Variants in EHMT1 observed in about 807,000 individuals in gnomAD.
EHMT1 encodes the protein histone-lysine N-methyltransferase EHMT1.
A neutral mutation model predicts 147.2 loss-of-function variants in EHMT1; 15 were observed. That is an observed-to-expected ratio of 0.10 (90% CI 0.07 to 0.16). The LOEUF is 0.16. EHMT1 is among the 10% of genes least tolerant of loss of function. The pLI is 1.00. For synonymous variants in EHMT1, 795 were observed against 709.6 expected (o/e 1.12, Z -1.91); for missense variants, 1,587 against 1,772.4 (o/e 0.90, Z 1.88).
In EHMT1 at chr9:137,819,534, GCCGA is replaced by G. The variant is rs1231259633; in HGVS notation, c.3540+1398_3540+1401del. On this transcript the variant is annotated intron_variant, in intron 25 of 26. Coordinates refer to ENST00000460843, the MANE Select transcript of EHMT1 (RefSeq NM_024757.5). ...CGCCGTGTACCGAGACCGTAGAGAG[GCCGA>G]CTGAGGGGCGCCGTGTACCGAGACC... 8.3e-4 allele frequency among the ~76,000 whole-genome samples: 14 copies of G among 16,930 alleles called. 3 individuals are homozygous for G. The African/African-American group carries it at 9.3e-3, about 11-fold the overall frequency. The allele number at this position is 16,930 out of a possible 152,430, so 11.1% of individuals were successfully genotyped here. A position where few individuals can be genotyped will look rare whatever the true frequency, so the allele number is the denominator to read the frequency against.
At chr9:137,682,918 C>T (rs1026143757) in intron 1 of EHMT1, among the ~76,000 whole-genome samples, 2 of 152,318 alleles carry the variant, frequency 1.3e-5, no homozygotes, top group Non-Finnish European at 2.9e-5. Flanking sequence ...CTGCCCTGCA[C>T]GTGCGAGTGA....
chr9:137,654,518 T>A (rs1938228169), intron 1 of EHMT1, among the ~76,000 whole-genome samples: 1 of 152,188 alleles, frequency 6.6e-6, no homozygotes, highest in South Asian at 2.1e-4. Flanking sequence ...ACTTTACCTT[T>A]GTTGTAAGTT....
chr9:137,708,572 G>A (rs533070347), intron 1 of EHMT1, among the ~76,000 whole-genome samples: 5 of 152,298 alleles, frequency 3.3e-5, no homozygotes, highest in South Asian at 2.1e-4. Flanking sequence ...TAATGATACC[G>A]CTCATGTAAT....
At chr9:137,794,109 C>T (rs1230545074) in intron 16 of EHMT1, among the ~76,000 whole-genome samples, 1 of 152,192 alleles carries the variant, frequency 6.6e-6, no homozygotes, top group East Asian at 1.9e-4. Flanking sequence ...TAATTCAACT[C>T]CTGCCTCATG....
intron 2 of EHMT1, among the ~76,000 whole-genome samples, chr9:137,713,309 AC>A (rs1219890429): frequency 7.9e-6 from 1 of 126,548 alleles, no homozygotes; most frequent in Non-Finnish European, 1.6e-5. Flanking sequence ...TTGCTCTGTC[AC>A]CCGGGCTGGA....
rs1160894563 is a variant in EHMT1, at chr9:137,787,975, C to T, written c.2383-2873C>T. The T allele has an allele frequency of 1.3e-6, 2 of 1,487,432 alleles. No homozygotes were observed. Among genetic ancestry groups the T allele is most frequent in the East Asian group, 2.3e-5 (1 of 44,006 alleles). 92.1% of individuals were successfully genotyped at this position (1,487,432 alleles called of 1,614,324 possible). A position where few individuals can be genotyped will look rare whatever the true frequency, so the allele number is the denominator to read the frequency against. ...CTGTGTCCCCCACTGGACAGCCCCCCAGGAACTGAGGTGCCCTGCAGTAAG... is the reference window on the plus strand; with the variant it reads ...CTGTGTCCCCCACTGGACAGCCCCCTAGGAACTGAGGTGCCCTGCAGTAAG... On this transcript the variant is annotated intron_variant, in intron 15 of 26. Coordinates refer to ENST00000460843, the MANE Select transcript of EHMT1 (RefSeq NM_024757.5). The surrounding 1 kb of genome is among the most constrained non-coding windows in gnomAD (Gnocchi z 4.2).
Position 137,831,459 on chromosome 9 carries a change from T to C in EHMT1, c.3541-2890T>C, listed in dbSNP as rs138387777. Among the ~76,000 whole-genome samples the C allele has an allele frequency of 5.0e-3, 769 of 152,356 alleles. 4 individuals are homozygous for C. Among genetic ancestry groups the C allele is most frequent in the African/African-American group, 0.017 (693 of 41,586 alleles). On this transcript the variant is annotated intron_variant, in intron 25 of 26. Coordinates refer to ENST00000460843, the MANE Select transcript of EHMT1 (RefSeq NM_024757.5). Reference sequence around the variant, plus strand: ...CAAATAATGTTGCGTACAAGTCAATTTGTTTGACTTTACCTGTCATTAGGC... The same window carrying C: ...CAAATAATGTTGCGTACAAGTCAATCTGTTTGACTTTACCTGTCATTAGGC...
rs1945338457 is a variant in EHMT1, at chr9:137,716,658, G to C, written c.118G>C (p.Glu40Gln). 6.3e-7 allele frequency: 1 copy of C among 1,591,952 alleles called. No individual in the cohort carries two copies. Residue 40 changes from glutamate to glutamine, a missense_variant, in exon 3 of 27, where the codon GAG (glutamate) becomes CAG (glutamine). This residue lies in a region of EHMT1 where 810 missense variants were observed against 673.0 expected (regional missense o/e 1.20). Coordinates refer to ENST00000460843, the MANE Select transcript of EHMT1 (RefSeq NM_024757.5). ...TPMAADEGSA[E>Q]KQAGEAHMAA... is the part of the protein sequence containing the mutation. Reference sequence around the variant, plus strand: ...TATGGCTGCCGATGAAGGCTCAGCAGAGAAACAGGCAGGAGAGGCCCACAT... The same window carrying C: ...TATGGCTGCCGATGAAGGCTCAGCACAGAAACAGGCAGGAGAGGCCCACAT...
At chr9:137,646,597 C>T (rs962372173) in intron 1 of EHMT1, among the ~76,000 whole-genome samples, 1 of 151,306 alleles carries the variant, frequency 6.6e-6, no homozygotes, top group African/African-American at 2.4e-5. Context: ...TGGGGGAGGC[C>T]CACGTGCATG....
intron 1 of EHMT1, among the ~76,000 whole-genome samples, chr9:137,709,468 A>C (rs1944510689): frequency 6.6e-6 from 1 of 152,136 alleles, no homozygotes; most frequent in South Asian, 2.1e-4. Context: ...AGGGTGATGC[A>C]GTTAGGTCCG....
intron 25 of EHMT1, among the ~76,000 whole-genome samples, chr9:137,824,076 G>A (rs1207980868): frequency 6.9e-6 from 1 of 144,922 alleles, no homozygotes; most frequent in East Asian, 1.9e-4. Context: ...CCAGGATTGT[G>A]AAGATTTTCT....
At chr9:137,798,785 C>A in intron 16 of EHMT1, 28 bp from the exon 17 acceptor site, 1 of 1,593,434 alleles carries the variant, frequency 6.3e-7, no homozygotes, top group Non-Finnish European at 8.6e-7. Flanking sequence ...GGTATGGATT[C>A]TTTGACTAAG....
intron 6 of EHMT1, among the ~76,000 whole-genome samples, chr9:137,749,250 C>T (rs1326081496): frequency 6.6e-6 from 1 of 152,132 alleles, no homozygotes; most frequent in Non-Finnish European, 1.5e-5. Flanking sequence ...TCACCTGCAT[C>T]AGACTCTAAG....
rs780215981 is a variant in EHMT1, at chr9:137,743,463, G to A, written c.916G>A (p.Val306Ile). 2.5e-6 allele frequency: 4 copies of A among 1,613,760 alleles called. No homozygotes were observed. The highest frequency in any genetic ancestry group is 3.4e-6 in the Non-Finnish European group (4 of 1,179,968). Residue 306 changes from valine to isoleucine, a missense_variant, in exon 5 of 27, where the codon GTA becomes ATA. Val to Ile is a conservative substitution (Grantham distance 29). Transcript: ENST00000460843. ...CCTGGTTCCTAAGAAAAAGACCAAA[G>A]TATTAAAACAGAGGACGGTGATTGA... is the stretch of plus-strand genomic sequence containing the variant. Reference protein sequence around the residue: ...YSLVPKKKTKVLKQRTVIEMF... With the variant: ...YSLVPKKKTKILKQRTVIEMF...
intron 1 of EHMT1, among the ~76,000 whole-genome samples, chr9:137,709,667 T>TCTTATA (rs71493691): frequency 0.36 from 54,376 of 151,512 alleles, 10,931 homozygotes; most frequent in African/African-American, 0.54. Context: ...TTTTGCAGCC[T>TCTTATA]CTTCTTACCT....
Position 137,743,114 on chromosome 9 carries a change from G to A in EHMT1, c.824-257G>A. 6.5e-6 allele frequency: 3 copies of A among 463,592 alleles called. No individual in the cohort carries two copies. In the East Asian group the frequency reaches 1.3e-4, roughly 20 times the overall value. The allele number at this position is 463,592 out of a possible 1,614,324, so 28.7% of individuals were successfully genotyped here. A position where few individuals can be genotyped will look rare whatever the true frequency, so the allele number is the denominator to read the frequency against. ...CCTGCCTCCAAGGTGGGGTGATAAT[G>A]TTTGCTCCGTGTTTTGTTGTGAATG... is the stretch of plus-strand genomic sequence containing the variant. On this transcript the variant is annotated intron_variant, in intron 4 of 26. Transcript: ENST00000460843.
intron 1 of EHMT1, among the ~76,000 whole-genome samples, chr9:137,708,527 A>G (rs112660096): frequency 3.9e-5 from 6 of 152,222 alleles, no homozygotes; most frequent in African/African-American, 1.4e-4. Flanking sequence ...CCATGTTGAC[A>G]CATTTTATTA....
intron 10 of EHMT1, among the ~76,000 whole-genome samples, chr9:137,771,197 C>CT (rs1189483493): frequency 0.28 from 29,225 of 105,862 alleles, 5,433 homozygotes; most frequent in Admixed American, 0.34. Flanking sequence ...TCTTCCATGT[C>CT]TTTTTTTTTT....
chr9:137,834,931 C>A lies in EHMT1; in HGVS notation c.3875C>A (p.Ala1292Glu). ...GACGGCTTGCCCGACACCAGCTCCG[C>A]GGCTGCCGCCGACCCCCTATGAGAC... ...QEDGLPDTSS[A>E]AAADPL The change falls in exon 27 of 27, where the codon GCG (alanine) becomes GAG (glutamate). Residue 1292 changes from alanine to glutamate, a missense_variant. This residue lies in a region of EHMT1 where 141 missense variants were observed against 150.8 expected (regional missense o/e 0.94). Transcript: ENST00000460843. 1 of 1,529,408 alleles carries A rather than the reference C, an allele frequency of 6.5e-7. No individual in the cohort carries two copies. The highest frequency in any genetic ancestry group is 2.1e-5 in the Admixed American group (1 of 47,408). 94.7% of individuals were successfully genotyped at this position (1,529,408 alleles called of 1,614,324 possible).
Sources: gnomAD v4.1 joint callset for allele counts (sites outside exome capture counted in the v4.1 genomes callset) on GRCh38, gnomAD v4.1.1 for gene constraint, gnomAD v4.1.1 regional missense constraint, Gnocchi (gnomAD v3.1) non-coding constraint, MANE v1.5 for transcripts, NCBI Gene and HGNC (gene_info 2026-07-23, HGNC 2026-07-21) for gene names.